Variants in FAM91A1 observed in about 807,000 individuals in gnomAD.
FAM91A1 encodes family with sequence similarity 91 member A1, also known as protein FAM91A1.
A neutral mutation model predicts 113.5 loss-of-function variants in FAM91A1; 41 were observed. That is an observed-to-expected ratio of 0.36 (90% CI 0.28 to 0.47). FAM91A1 has a LOEUF of 0.47. Ranked by LOEUF, FAM91A1 falls within the 20% of genes least tolerant of loss-of-function variation. The pLI is 1.00. For synonymous variants in FAM91A1, 307 were observed against 347.9 expected, an observed-to-expected ratio of 0.88 and a Z score of 1.31; for missense variants, 696 against 1,001.2, an observed-to-expected ratio of 0.70 and a Z score of 4.11.
rs376221052 is a variant in FAM91A1, at chr8:123,787,476, C to G, written c.1191+103C>G. On this transcript the variant is annotated intron_variant, in intron 13 of 23. Coordinates refer to ENST00000334705, the MANE Select transcript of FAM91A1 (RefSeq NM_144963.4). ...TTTTTTAAAGTACTACATTTATTCC[C>G]GAAGCACAACTGACTTAGAGGAGTA... 106 of 1,052,232 alleles carry G rather than the reference C, an allele frequency of 1.0e-4. 1 individual carries two copies. The highest frequency in any genetic ancestry group is 5.8e-4 in the South Asian group (36 of 62,346). 65.2% of individuals were successfully genotyped at this position (1,052,232 alleles called of 1,614,324 possible). A position where few individuals can be genotyped will look rare whatever the true frequency, so the allele number is the denominator to read the frequency against.
In FAM91A1 at chr8:123,815,306, A is replaced by G. The variant is rs1816047074; in HGVS notation, c.*2602A>G. The G allele has an allele frequency of 1.3e-5, 2 of 152,578 alleles. No homozygotes were observed. The highest frequency in any genetic ancestry group is 2.4e-5 in the African/African-American group (1 of 41,446). The allele number at this position is 152,578 out of a possible 1,614,324, so 9.5% of individuals were successfully genotyped here. ...AATTTGTATTTAAGGATTTTAAAATACCAAACTGTAACTGAGTACAGTGGA... is the reference window on the plus strand; with the variant it reads ...AATTTGTATTTAAGGATTTTAAAATGCCAAACTGTAACTGAGTACAGTGGA... On this transcript the variant is annotated 3_prime_UTR_variant, in exon 24 of 24. Coordinates refer to ENST00000334705, the MANE Select transcript of FAM91A1 (RefSeq NM_144963.4).
chr8:123,806,833 G>T, intron 20 of FAM91A1, among the ~76,000 whole-genome samples: 1 of 151,490 alleles, frequency 6.6e-6, no homozygotes, highest in East Asian at 1.9e-4. Context: ...AGCCTTTCTG[G>T]CCTCTCCTTT....
intron 22 of FAM91A1, 86 bp downstream of exon 22, chr8:123,809,102 CAT>C (rs1815887021): frequency 1.3e-6 from 2 of 1,534,896 alleles, no homozygotes; most frequent in Admixed American, 1.8e-5. Context: ...TTATTCCACA[CAT>C]GAGCACAGTA....
intron 8 of FAM91A1, among the ~76,000 whole-genome samples, chr8:123,781,474 ATTTT>A (rs35842167): frequency 8.2e-6 from 1 of 121,268 alleles, no homozygotes; most frequent in African/African-American, 3.5e-5. Flanking sequence ...GCATATGTGA[ATTTT>A]TTTTTTTTTT....
intron 15 of FAM91A1, among the ~76,000 whole-genome samples, chr8:123,795,322 A>G (rs910741567): frequency 3.3e-5 from 5 of 152,022 alleles, no homozygotes; most frequent in Non-Finnish European, 1.5e-5. Flanking sequence ...GTAATCTCCA[A>G]TGTTGGAGGG....
At chr8:123,796,052 G>A (rs977968211) in intron 15 of FAM91A1, among the ~76,000 whole-genome samples, 9 of 152,086 alleles carry the variant, frequency 5.9e-5, no homozygotes, top group Admixed American at 2.6e-4. Flanking sequence ...AGTTCTTTTC[G>A]TACTGGACAG....
chr8:123,802,194 C>T (rs1225816867), intron 18 of FAM91A1, among the ~76,000 whole-genome samples: 1 of 152,014 alleles, frequency 6.6e-6, no homozygotes, highest in African/African-American at 2.4e-5. Flanking sequence ...AGCAAGAAGA[C>T]CAGTTAGGAC....
intron 1 of FAM91A1, 129 bp from the exon 2 acceptor site, chr8:123,773,951 T>TC (rs1198954287): frequency 1.5e-6 from 1 of 671,268 alleles, no homozygotes; most frequent in East Asian, 2.9e-5. Context: ...AAATATTTTT[T>TC]ATTTAATTCT....
intron 20 of FAM91A1, 133 bp downstream of exon 20, chr8:123,806,362 C>T (rs1353102415): frequency 4.4e-5 from 43 of 977,934 alleles, no homozygotes; most frequent in East Asian, 5.1e-5. Context: ...CACTGAAGCA[C>T]GAGGAAATAT....
chr8:123,812,394 C>CA, intron 23 of FAM91A1, 125 bp from the exon 24 acceptor site: 1 of 582,588 alleles, frequency 1.7e-6, no homozygotes, highest in Non-Finnish European at 2.7e-6. Context: ...ATCTTTGCAT[C>CA]TCCTGTACTG....
chr8:123,768,806 C>T, intron 1 of FAM91A1, 32 bp downstream of exon 1: 1 of 1,601,296 alleles, frequency 6.2e-7, no homozygotes, highest in East Asian at 2.3e-5. Context: ...GGGCCCCTGA[C>T]GGATTCGGCC....
At chr8:123,806,053 T>G in intron 19 of FAM91A1, 27 bp from the exon 20 acceptor site, 2 of 1,517,496 alleles carry the variant, frequency 1.3e-6, no homozygotes, top group Non-Finnish European at 1.8e-6. Flanking sequence ...AAACTGTTCA[T>G]TAATGTGATG....
At chr8:123,774,039 A>G (rs770704861) in intron 1 of FAM91A1, 41 bp from the exon 2 acceptor site, 2 of 1,513,148 alleles carry the variant, frequency 1.3e-6, no homozygotes, top group Non-Finnish European at 9.1e-7. Context: ...ACTATTGTTC[A>G]GTTTGGAAGT....
At position 123,814,157 on chromosome 8, in the gene FAM91A1, C is replaced by G. The variant is rs779753712; in HGVS notation, c.*1453C>G. The G allele has an allele frequency of 2.5e-6, 1 of 397,732 alleles. No individual in the cohort carries two copies. Among genetic ancestry groups the G allele is most frequent in the South Asian group, 1.9e-5 (1 of 52,570 alleles). 24.6% of individuals were successfully genotyped at this position (397,732 alleles called of 1,614,324 possible). On this transcript the variant is annotated 3_prime_UTR_variant, in exon 24 of 24. Coordinates refer to ENST00000334705, the MANE Select transcript of FAM91A1 (RefSeq NM_144963.4). Reference sequence around the variant, plus strand: ...AGTAACGGTTAGTTTTCTACTTTGTCTTATAGAAGGTAGAAACCATGTGTA... The same window carrying G: ...AGTAACGGTTAGTTTTCTACTTTGTGTTATAGAAGGTAGAAACCATGTGTA...
intron 16 of FAM91A1, 84 bp downstream of exon 16, chr8:123,798,322 A>G (rs1394755133): frequency 6.9e-7 from 1 of 1,445,606 alleles, no homozygotes; most frequent in East Asian, 2.4e-5. Context: ...GATACCAACT[A>G]TTAAAATCAC....
At chr8:123,769,637 G>T (rs907323437) in intron 1 of FAM91A1, among the ~76,000 whole-genome samples, 2 of 152,162 alleles carry the variant, frequency 1.3e-5, no homozygotes, top group African/African-American at 4.8e-5. Flanking sequence ...GGTGCTGTGC[G>T]TTGCTCTAGG....
Position 123,784,478 on chromosome 8 carries a change from C to A in FAM91A1, c.712C>A (p.Leu238Ile). 2 of 1,600,462 alleles carry A rather than the reference C, an allele frequency of 1.2e-6. No individual in the cohort carries two copies. The highest frequency in any genetic ancestry group is 2.3e-5 in the South Asian group (2 of 87,116). Reference sequence around the variant, plus strand: ...TCTTCTGTTTGTTTTAGTTCCACCTCTTGAAGGTTTTGTAATGAATCGAGT... The same window carrying A: ...TCTTCTGTTTGTTTTAGTTCCACCTATTGAAGGTTTTGTAATGAATCGAGT... ...SDDSCIAVPPLEGFVMNRVQG... is the reference protein window; with the variant it reads ...SDDSCIAVPPIEGFVMNRVQG... The change falls in exon 9 of 24, where the codon CTT (leucine) becomes ATT (isoleucine). Residue 238 changes from leucine to isoleucine, a missense_variant. Coordinates refer to ENST00000334705, the MANE Select transcript of FAM91A1 (RefSeq NM_144963.4).
chr8:123,773,257 A>G (rs1276844994), intron 1 of FAM91A1, among the ~76,000 whole-genome samples: 1 of 152,202 alleles, frequency 6.6e-6, no homozygotes, highest in Non-Finnish European at 1.5e-5. Context: ...CTTACCTATG[A>G]GTAAGAAATA....
chr8:123,776,295 G>A (rs58056715), intron 3 of FAM91A1, among the ~76,000 whole-genome samples: 3,218 of 152,290 alleles, frequency 0.021, 119 homozygotes, highest in African/African-American at 0.071. Context: ...CTCACTAGCC[G>A]CTTGAAGAGC....
Sources: allele counts gnomAD v4.1 joint callset (sites outside exome capture counted in the v4.1 genomes callset), GRCh38; gene constraint gnomAD v4.1.1; transcripts MANE v1.5; gene names NCBI Gene and HGNC (gene_info 2026-07-23, HGNC 2026-07-21).